The following ZNF726 variants were observed in gnomAD, a reference collection of about 807,000 sequenced individuals.
ZNF726 encodes zinc finger protein 92 pseudogene 3.
ZNF726 carries 15 observed loss-of-function variants against 11.6 expected under a neutral mutation model. That is an observed-to-expected ratio of 1.29 (90% CI 0.86 to 1.99). The LOEUF (loss-of-function observed/expected upper bound fraction) is 1.99, where lower values mean the gene tolerates loss of function less well. Among genes scored for constraint, ZNF726 ranks in the 30% most tolerant of loss-of-function variants. ZNF726 has a pLI of 0.00. For missense variants in ZNF726, 890 were observed against 725.6 expected (o/e 1.23, Z -2.60); for synonymous variants, 295 against 243.6 (o/e 1.21, Z -1.96).
chr19:23,932,788 T>G lies in ZNF726; in HGVS notation c.672T>G (p.Thr224=). The change falls in exon 4 of 4, where the codon ACT becomes ACG. Residue 224 remains threonine (T), a synonymous_variant. Transcript: ENST00000594466. ...STLTNHKKTH[T]EEKPYKCEEY... ...TTACTAATCATAAGAAAACTCATAC[T>G]GAAGAAAAGCCCTACAAATGTGAAG... is the stretch of plus-strand genomic sequence containing the variant. The G allele has an allele frequency of 6.2e-7, 1 of 1,611,952 alleles. No individual in the cohort carries two copies. Among genetic ancestry groups the G allele is most frequent in the East Asian group, 2.2e-5 (1 of 44,868 alleles).
intron 3 of ZNF726, chr19:23,943,486 C>T (rs1968369893): frequency 1.7e-6 from 1 of 600,394 alleles, no homozygotes. Context: ...TTTTTTCTAA[C>T]AAAACAGGCC....
At chr19:23,942,672 G>A (rs1184115502) in intron 3 of ZNF726, among the ~76,000 whole-genome samples, 1 of 152,114 alleles carries the variant, frequency 6.6e-6, no homozygotes, top group Non-Finnish European at 1.5e-5. Flanking sequence ...TTAGGATTGT[G>A]ATGTTTCCCT....
At chr19:23,926,914 G>C (rs530015642) in intron 3 of ZNF726, among the ~76,000 whole-genome samples, 1 of 152,046 alleles carries the variant, frequency 6.6e-6, no homozygotes, top group Admixed American at 6.6e-5. Flanking sequence ...TTTGTCTATA[G>C]TTCATAATAA....
chr19:23,922,386 A>G (rs1353730397), intron 3 of ZNF726, among the ~76,000 whole-genome samples: 1 of 152,184 alleles, frequency 6.6e-6, no homozygotes, highest in African/African-American at 2.4e-5. Flanking sequence ...TGAGTCATGG[A>G]ACTGCTTCAG....
Position 23,933,142 on chromosome 19 carries a change from A to G in ZNF726, c.1026A>G (p.Lys342=). ...KRLHSGEKPY[K]CEECAKAFSQ... is the part of the protein sequence containing the mutation. ...TGCACAGTGGAGAGAAACCCTACAA[A>G]TGTGAAGAATGTGCCAAAGCTTTTA... Residue 342 remains lysine (K), a synonymous_variant, in exon 4 of 4, where the codon AAA becomes AAG. Coordinates refer to ENST00000594466, the MANE Select transcript of ZNF726 (RefSeq NM_001244038.2). 6.2e-7 allele frequency: 1 copy of G among 1,600,598 alleles called. No homozygotes were observed. Among genetic ancestry groups the G allele is most frequent in the Non-Finnish European group, 8.5e-7 (1 of 1,173,428 alleles).
At chr19:23,941,288 C>T (rs907630325) in intron 3 of ZNF726, among the ~76,000 whole-genome samples, 4 of 152,004 alleles carry the variant, frequency 2.6e-5, no homozygotes, top group Non-Finnish European at 4.4e-5. Context: ...CATTTGTTGA[C>T]GTGTGTGTGT....
At chr19:23,922,983 A>G (rs1181873853) in intron 3 of ZNF726, among the ~76,000 whole-genome samples, 1 of 150,562 alleles carries the variant, frequency 6.6e-6, no homozygotes, top group African/African-American at 2.4e-5. Context: ...TCTATTTTCT[A>G]CTTCAAATTT....
At position 23,934,020 on chromosome 19, in the gene ZNF726, A is replaced by C. The variant is rs982611689; in HGVS notation, c.*53A>C. ...TGGCAAAGCATTTATATGGTCCTCA[A>C]CGCTAAACATAAGAGGATGCACACT... On this transcript the variant is annotated 3_prime_UTR_variant, in exon 4 of 4. Transcript: ENST00000594466. 3 of 1,442,164 alleles carry C rather than the reference A, an allele frequency of 2.1e-6. No homozygotes were observed. Among genetic ancestry groups the C allele is most frequent in the Non-Finnish European group, 2.8e-6 (3 of 1,057,302 alleles). 89.3% of individuals were successfully genotyped at this position (1,442,164 alleles called of 1,614,324 possible). A position where few individuals can be genotyped will look rare whatever the true frequency, so the allele number is the denominator to read the frequency against.
chr19:23,929,601 T>C (rs551559293), intron 3 of ZNF726, among the ~76,000 whole-genome samples: 1 of 152,278 alleles, frequency 6.6e-6, no homozygotes, highest in African/African-American at 2.4e-5. Context: ...GAATTAAAGA[T>C]GAGTCTTGGG....
chr19:23,920,290 C>T, intron 3 of ZNF726: 2 of 359,066 alleles, frequency 5.6e-6, no homozygotes, highest in Non-Finnish European at 1.1e-5. Flanking sequence ...CTTCAATGAT[C>T]TTCCTTAACG....
At chr19:23,942,500 C>A (rs1020809455) in intron 3 of ZNF726, among the ~76,000 whole-genome samples, 11 of 152,038 alleles carry the variant, frequency 7.2e-5, no homozygotes, top group African/African-American at 2.4e-4. Flanking sequence ...ATAGTTAAAT[C>A]CATTGTTTCT....
chr19:23,935,312 C>T (rs2144995122), downstream of ZNF726: 1 of 518,108 alleles, frequency 1.9e-6, no homozygotes, highest in East Asian at 5.4e-5. Flanking sequence ...AAGAATGTGG[C>T]AAAGTGTTTT....
intron 3 of ZNF726, among the ~76,000 whole-genome samples, chr19:23,939,694 C>T (rs992718003): frequency 3.3e-5 from 5 of 151,844 alleles, no homozygotes; most frequent in South Asian, 2.1e-4. Flanking sequence ...TACAGTTTTT[C>T]GATATTTTGA....
At chr19:23,939,674 C>A (rs116663773) in intron 3 of ZNF726, among the ~76,000 whole-genome samples, 1 of 152,056 alleles carries the variant, frequency 6.6e-6, no homozygotes, top group Admixed American at 6.5e-5. Context: ...ACTGCATCCA[C>A]GCCAACATCT....
chr19:23,920,110 C>G, intron 3 of ZNF726, 28 bp downstream of exon 3: 1 of 1,496,462 alleles, frequency 6.7e-7, no homozygotes, highest in Non-Finnish European at 9.2e-7. Context: ...CAACAGATGA[C>G]CTGGATGAGA....
At chr19:23,943,548 C>A in exon 4 of ZNF726, 1 of 676,198 alleles carries the variant, frequency 1.5e-6, no homozygotes, top group Non-Finnish European at 2.7e-6. Context: ...ATAAAAGAGC[C>A]CTGGAATGTG....
At chr19:23,929,292 G>A (rs946821397) in intron 3 of ZNF726, 1 of 152,048 alleles carries the variant, frequency 6.6e-6, no homozygotes, top group Non-Finnish European at 1.5e-5. Flanking sequence ...TAATCATCTT[G>A]TGTATTCGTC....
At position 23,919,780 on chromosome 19, in the gene ZNF726, A is replaced by G. The variant is rs1234796363; in HGVS notation, c.131-207A>G. On this transcript the variant is annotated intron_variant, in intron 2 of 3. Transcript: ENST00000594466. ...ACCTTAAAATCCAAGTGCCATTACC[A>G]ATTTTTGCTTCAGTAGTACCAGGCA... is the stretch of plus-strand genomic sequence containing the variant. 5 of 451,512 alleles carry G rather than the reference A, an allele frequency of 1.1e-5. No homozygotes were observed. The East Asian group carries it at 2.8e-4, about 25-fold the overall frequency. The allele number at this position is 451,512 out of a possible 1,614,324, so 28.0% of individuals were successfully genotyped here.
intron 3 of ZNF726, among the ~76,000 whole-genome samples, chr19:23,930,603 AT>A (rs895613319): frequency 6.6e-5 from 10 of 152,016 alleles, no homozygotes; most frequent in South Asian, 4.2e-4. Context: ...TTATCCTTGT[AT>A]TTTTTTAATA....
Sources: allele counts gnomAD v4.1 joint callset (sites outside exome capture counted in the v4.1 genomes callset), GRCh38; gene constraint gnomAD v4.1.1; transcripts MANE v1.5; gene names NCBI Gene and HGNC (gene_info 2026-07-23, HGNC 2026-07-21).